The following ITGA4 variants were observed in gnomAD, a reference collection of about 807,000 sequenced individuals.
ITGA4 encodes integrin alpha-4.
ITGA4 carries 63 observed loss-of-function variants against 133.6 expected under a neutral mutation model. The observed-to-expected ratio is 0.47, with a 90% CI of 0.38 to 0.58. The LOEUF (loss-of-function observed/expected upper bound fraction) is 0.58. ITGA4 is among the 20% of genes least tolerant of loss of function. The pLI is 0.00. For missense variants in ITGA4, 1,076 were observed against 1,252.7 expected (o/e 0.86, Z 2.13); for synonymous variants, 483 against 438.0 (o/e 1.10, Z -1.28).
At chr2:181,510,412 C>A (rs1686484992) in intron 16 of ITGA4, among the ~76,000 whole-genome samples, 1 of 152,086 alleles carries the variant, frequency 6.6e-6, no homozygotes, top group Admixed American at 6.6e-5. Context: ...GTTTCACTGA[C>A]AGTGTATTTA....
intron 15 of ITGA4, among the ~76,000 whole-genome samples, chr2:181,502,240 G>A (rs1686289588): frequency 1.3e-5 from 2 of 152,094 alleles, no homozygotes; most frequent in African/African-American, 4.8e-5. Flanking sequence ...GGGGGAACGG[G>A]GGGAAGGAAA....
At position 181,457,857 on chromosome 2, in the gene ITGA4, T is replaced by G. The variant is rs1574369545; in HGVS notation, c.197+6T>G. The G allele has an allele frequency of 6.2e-7, 1 of 1,608,582 alleles. No individual in the cohort carries two copies. Among genetic ancestry groups the G allele is most frequent in the Non-Finnish European group, 8.5e-7 (1 of 1,177,156 alleles). ...AGCCACGGGGCGAACCGATGGTGAGTAGAGTTGGACTGATGCGCCCTCAGC... is the reference window on the plus strand; with the variant it reads ...AGCCACGGGGCGAACCGATGGTGAGGAGAGTTGGACTGATGCGCCCTCAGC... On this transcript the variant is annotated splice_donor_region_variant and intron_variant, in intron 1 of 27. Coordinates refer to ENST00000397033, the MANE Select transcript of ITGA4 (RefSeq NM_000885.6).
intron 17 of ITGA4, among the ~76,000 whole-genome samples, chr2:181,512,592 G>A (rs1371124377): frequency 6.6e-6 from 1 of 152,108 alleles, no homozygotes; most frequent in African/African-American, 2.4e-5. Flanking sequence ...CATCTTCAAG[G>A]AATTAAAGAG....
At chr2:181,509,896 G>A (rs1251529403) in intron 16 of ITGA4, 89 bp downstream of exon 16, 26 of 948,920 alleles carry the variant, frequency 2.7e-5, no homozygotes, top group Non-Finnish European at 4.1e-5. Flanking sequence ...TGAACTATAT[G>A]TCGGAATTTT....
intron 17 of ITGA4, among the ~76,000 whole-genome samples, chr2:181,519,746 T>C (rs990849245): frequency 1.1e-4 from 16 of 152,090 alleles, no homozygotes; most frequent in African/African-American, 3.4e-4. Context: ...ATGCTAGATA[T>C]TTACTTTCTT....
At chr2:181,494,604 C>T (rs1686122756) in intron 11 of ITGA4, 118 bp from the exon 12 acceptor site, 1 of 666,664 alleles carries the variant, frequency 1.5e-6, no homozygotes, top group East Asian at 2.6e-5. Context: ...TAAAATGCAG[C>T]TTTGTTAGTA....
intron 2 of ITGA4, among the ~76,000 whole-genome samples, chr2:181,463,360 C>G (rs1345561606): frequency 6.6e-6 from 1 of 152,098 alleles, no homozygotes; most frequent in African/African-American, 2.4e-5. Flanking sequence ...TCTCTGGTTG[C>G]AGGTTAGTGA....
intron 15 of ITGA4, among the ~76,000 whole-genome samples, chr2:181,508,321 G>T (rs1686434894): frequency 1.3e-5 from 2 of 152,092 alleles, no homozygotes; most frequent in African/African-American, 4.8e-5. Context: ...AGAATGGATT[G>T]TGAATGGGTT....
chr2:181,458,490 T>A (rs1288887116), intron 2 of ITGA4, 173 bp downstream of exon 2: 15 of 681,710 alleles, frequency 2.2e-5, no homozygotes, highest in Non-Finnish European at 7.5e-6. Context: ...AGGGATTCCC[T>A]TTCTGTTAAT....
At chr2:181,502,028 G>C (rs1329554628) in intron 15 of ITGA4, among the ~76,000 whole-genome samples, 2 of 151,952 alleles carry the variant, frequency 1.3e-5, no homozygotes, top group Non-Finnish European at 2.9e-5. Context: ...GAGGCCCACA[G>C]AGGAGATAAG....
chr2:181,499,612 A>G (rs1426612186), intron 15 of ITGA4, among the ~76,000 whole-genome samples: 3 of 152,150 alleles, frequency 2.0e-5, no homozygotes, highest in Admixed American at 6.6e-5. Flanking sequence ...CAAGACTCCA[A>G]TACGCTATTA....
chr2:181,477,706 C>G (rs189325087), intron 4 of ITGA4, among the ~76,000 whole-genome samples: 3 of 151,938 alleles, frequency 2.0e-5, no homozygotes, highest in Non-Finnish European at 4.4e-5. Context: ...CAAGTGTTGG[C>G]GAAGGTGTGA....
intron 2 of ITGA4, among the ~76,000 whole-genome samples, chr2:181,471,264 T>G (rs1191591426): frequency 6.6e-6 from 1 of 152,200 alleles, no homozygotes; most frequent in Non-Finnish European, 1.5e-5. Flanking sequence ...GTTTTTCGTT[T>G]ACTGACCTTT....
chr2:181,458,046 G>GT (rs1315887570), intron 1 of ITGA4, 150 bp from the exon 2 acceptor site: 25 of 1,221,062 alleles, frequency 2.0e-5, no homozygotes, highest in Non-Finnish European at 2.5e-5. Context: ...GTGCGTTATG[G>GT]TGCAAGGTCT....
chr2:181,532,888 T>C (rs1199254565), intron 25 of ITGA4, among the ~76,000 whole-genome samples: 2 of 152,184 alleles, frequency 1.3e-5, no homozygotes, highest in African/African-American at 4.8e-5. Context: ...TTGTCATAAA[T>C]AGCTCTTATT....
chr2:181,463,544 T>C (rs934760404), intron 2 of ITGA4, among the ~76,000 whole-genome samples: 1 of 152,128 alleles, frequency 6.6e-6, no homozygotes, highest in Non-Finnish European at 1.5e-5. Context: ...AATTATTGAA[T>C]GAAAGAGATG....
chr2:181,522,461 G>C lies in ITGA4; in HGVS notation c.2073+120G>C, dbSNP rs1057327794. 4 of 654,960 alleles carry C rather than the reference G, an allele frequency of 6.1e-6. No homozygotes were observed. In the Admixed American group the frequency reaches 1.2e-4, roughly 19 times the overall value. The allele number at this position is 654,960 out of a possible 1,614,324, so 40.6% of individuals were successfully genotyped here. On this transcript the variant is annotated intron_variant, in intron 18 of 27. Coordinates refer to ENST00000397033, the MANE Select transcript of ITGA4 (RefSeq NM_000885.6). The stretch of plus-strand genomic sequence containing the variant: ...ATAAGTCTTAATATTTAGGCTCCTA[G>C]TTATTTTCAGACTTACTCTGTGCCC...
chr2:181,492,270 G>T (rs1437048213), intron 10 of ITGA4, among the ~76,000 whole-genome samples: 1 of 152,032 alleles, frequency 6.6e-6, no homozygotes, highest in African/African-American at 2.4e-5. Flanking sequence ...GTAAATATAG[G>T]TGTCTACCAT....
intron 7 of ITGA4, 141 bp downstream of exon 7, chr2:181,481,824 G>A: frequency 1.1e-5 from 4 of 380,132 alleles, no homozygotes; most frequent in African/African-American, 2.1e-5. Flanking sequence ...TAGTGGAATT[G>A]GTGAAAGATG....
Sources: gnomAD v4.1 joint callset for allele counts (sites outside exome capture counted in the v4.1 genomes callset) on GRCh38, gnomAD v4.1.1 for gene constraint, MANE v1.5 for transcripts, NCBI Gene and HGNC (gene_info 2026-07-23, HGNC 2026-07-21) for gene names.